The following MICAL3 variants were observed in gnomAD, a reference collection of about 807,000 sequenced individuals.
The protein encoded by MICAL3 is microtubule associated monooxygenase, calponin and LIM domain containing 3.
MICAL3 carries 62 observed loss-of-function variants against 207.4 expected under a neutral mutation model. The ratio of observed to expected loss-of-function variants is 0.30; its 90% CI spans 0.24 to 0.37. The LOEUF (loss-of-function observed/expected upper bound fraction) is 0.37. Among genes scored for constraint, MICAL3 ranks in the 10% least tolerant of loss-of-function variants. The pLI is 1.00. For missense variants in MICAL3, 2,368 were observed against 2,635.6 expected, an observed-to-expected ratio of 0.90 and a Z score of 2.22; for synonymous variants, 1,077 against 1,069.3, an observed-to-expected ratio of 1.01 and a Z score of -0.14.
Position 17,934,859 on chromosome 22 carries a change from T to C in MICAL3, c.-74-27973A>G, listed in dbSNP as rs539943927. 3.7e-4 allele frequency among the ~76,000 whole-genome samples: 57 copies of C among 152,188 alleles called. 1 individual carries two copies. Among genetic ancestry groups the C allele is most frequent in the South Asian group, 1.7e-3 (8 of 4,792 alleles). On this transcript the variant is annotated intron_variant, in intron 1 of 31. Transcript: ENST00000441493. The stretch of plus-strand genomic sequence containing the variant: ...ATCATGAGTGAATTCCCATTCACAA[T>C]TGCTACAAAGAGATTAAAATACCTA...
chr22:17,851,748 A>G (rs1233647735), intron 19 of MICAL3, among the ~76,000 whole-genome samples: 1 of 152,230 alleles, frequency 6.6e-6, no homozygotes, highest in African/African-American at 2.4e-5. Flanking sequence ...AGCACTCAGG[A>G]GAGAAATTCT....
chr22:17,875,487 G>A lies in MICAL3; in HGVS notation c.2242-3464C>T, dbSNP rs774966320. On this transcript the variant is annotated intron_variant, in intron 16 of 31. Transcript: ENST00000441493. Reference sequence around the variant, plus strand: ...GGAGGAGGGAGAGGCGGGGCGGGCAGAGGAGCGGAGACTAAGAGAAAGCTC... The same window carrying A: ...GGAGGAGGGAGAGGCGGGGCGGGCAAAGGAGCGGAGACTAAGAGAAAGCTC... 4.6e-5 allele frequency: 71 copies of A among 1,556,172 alleles called. No individual in the cohort carries two copies. In the Admixed American group the frequency reaches 7.7e-4, roughly 17 times the overall value.
intron 1 of MICAL3, among the ~76,000 whole-genome samples, chr22:18,002,154 T>TGCCACTGCACTACAGCCTGGGCAACAGA (rs1923075173): frequency 6.6e-6 from 1 of 151,874 alleles, no homozygotes; most frequent in South Asian, 2.1e-4. Flanking sequence ...GCCGAGATGG[T>TGCCACTGCACTACAGCCTGGGCAACAGA]GCCACTGCAC....
intron 22 of MICAL3, among the ~76,000 whole-genome samples, chr22:17,823,739 T>C (rs1921883344): frequency 6.6e-6 from 1 of 152,210 alleles, no homozygotes; most frequent in African/African-American, 2.4e-5. Context: ...TCCTTATGTA[T>C]ATGCAGAGAT....
chr22:17,812,691 C>T (rs979616197), intron 27 of MICAL3: 4 of 280,438 alleles, frequency 1.4e-5, no homozygotes, highest in Non-Finnish European at 2.2e-5. Flanking sequence ...ACTTAAAACA[C>T]GAGATTATTT....
intron 1 of MICAL3, chr22:18,001,137 G>C (rs114164344): frequency 0.072 from 10,980 of 152,206 alleles, 1,084 homozygotes; most frequent in East Asian, 0.46. Context: ...AACGCGAGGC[G>C]GGGGCTTCCT....
At chr22:17,916,755 T>C (rs917628142) in intron 1 of MICAL3, among the ~76,000 whole-genome samples, 3 of 152,120 alleles carry the variant, frequency 2.0e-5, no homozygotes, top group Non-Finnish European at 4.4e-5. Flanking sequence ...CTGCGTCCTT[T>C]GCTGGTCCCA....
chr22:17,974,638 C>T (rs1346629794), intron 1 of MICAL3, among the ~76,000 whole-genome samples: 1 of 150,798 alleles, frequency 6.6e-6, no homozygotes, highest in African/African-American at 2.4e-5. Context: ...GCAGGAGAAT[C>T]GCTTGAACCT....
intron 21 of MICAL3, among the ~76,000 whole-genome samples, chr22:17,829,696 C>T (rs1383369753): frequency 1.3e-5 from 2 of 152,218 alleles, no homozygotes; most frequent in Non-Finnish European, 1.5e-5. Flanking sequence ...GCATTTCCTC[C>T]TTTCTCAGAG....
In MICAL3 at chr22:17,830,147, C is replaced by T. The variant is rs1471383546; in HGVS notation, c.3055+1707G>A. Among the ~76,000 whole-genome samples, 6 of 152,244 alleles carry T rather than the reference C, an allele frequency of 3.9e-5. No individual in the cohort carries two copies. The East Asian group carries it at 1.2e-3, about 29-fold the overall frequency. The stretch of plus-strand genomic sequence containing the variant: ...GCAGTTCTGTGTCCCAGGGGCAGTA[C>T]TCCCCTTCTACAGCAGGGGGAGCCA... On this transcript the variant is annotated intron_variant, in intron 21 of 31. Transcript: ENST00000441493.
intron 1 of MICAL3, among the ~76,000 whole-genome samples, chr22:17,961,205 G>A (rs1284854947): frequency 6.6e-6 from 1 of 152,116 alleles, no homozygotes; most frequent in East Asian, 1.9e-4. Flanking sequence ...ATGAAGGCAG[G>A]GCTCACAGGA....
intron 1 of MICAL3, among the ~76,000 whole-genome samples, chr22:17,910,396 G>A (rs183914890): frequency 1.3e-5 from 2 of 152,256 alleles, no homozygotes; most frequent in Admixed American, 6.5e-5. Flanking sequence ...ACAGAGGAAC[G>A]GCTTCACTAA....
At chr22:17,831,831 C>T (rs370267260) in intron 21 of MICAL3, 23 bp downstream of exon 21, 165 of 1,546,360 alleles carry the variant, frequency 1.1e-4, no homozygotes, top group Admixed American at 2.6e-4. Context: ...GGGCAGAGTT[C>T]GGAGCAGAGA....
At chr22:17,875,529 A>T in intron 16 of MICAL3, 1 of 1,554,072 alleles carries the variant, frequency 6.4e-7, no homozygotes, top group South Asian at 1.2e-5. Flanking sequence ...GTCGACAAAA[A>T]ATCGACGAGG....
At chr22:17,991,286 G>A (rs1921658593) in intron 1 of MICAL3, among the ~76,000 whole-genome samples, 1 of 152,266 alleles carries the variant, frequency 6.6e-6, no homozygotes, top group Non-Finnish European at 1.5e-5. Flanking sequence ...GGGCAGGCAG[G>A]TGAAAGTGAC....
At chr22:17,919,771 G>A (rs1031656456) in intron 1 of MICAL3, among the ~76,000 whole-genome samples, 12 of 152,310 alleles carry the variant, frequency 7.9e-5, no homozygotes, top group African/African-American at 2.9e-4. Flanking sequence ...CCCACACCCA[G>A]CTCAGGACCT....
At chr22:17,961,372 T>A (rs1217847842) in intron 1 of MICAL3, among the ~76,000 whole-genome samples, 1 of 152,178 alleles carries the variant, frequency 6.6e-6, no homozygotes, top group African/African-American at 2.4e-5. Flanking sequence ...AAGGATTGAA[T>A]AACCCGCGGC....
At position 17,810,714 on chromosome 22, in the gene MICAL3, G is replaced by A; in HGVS notation, c.5545C>T (p.His1849Tyr). 6.2e-7 allele frequency: 1 copy of A among 1,613,874 alleles called. No homozygotes were observed. Among genetic ancestry groups the A allele is most frequent in the Non-Finnish European group, 8.5e-7 (1 of 1,179,766 alleles). ...CTCCATGGTTTTACCTGGGCTCGATGCAGCCGCTTAAGCTCCTCCTGCTTG... is the reference window on the plus strand; with the variant it reads ...CTCCATGGTTTTACCTGGGCTCGATACAGCCGCTTAAGCTCCTCCTGCTTG... Reference protein sequence around the residue: ...QAKQEELKRLHRAQIIQRQLQ... With the variant: ...QAKQEELKRLYRAQIIQRQLQ... Residue 1849 changes from histidine to tyrosine, a missense_variant, in exon 28 of 32, where the codon CAT (histidine) becomes TAT (tyrosine). His to Tyr is a moderately conservative substitution (Grantham distance 83, BLOSUM62 2). Coordinates refer to ENST00000441493, the MANE Select transcript of MICAL3 (RefSeq NM_015241.3).
chr22:17,864,581 C>T (rs1305415801), intron 19 of MICAL3: 46 of 1,478,426 alleles, frequency 3.1e-5, no homozygotes, highest in African/African-American at 9.8e-5. Context: ...CCTGGGCCGC[C>T]CTCAGGTGTG....
Sources: allele counts gnomAD v4.1 joint callset (sites outside exome capture counted in the v4.1 genomes callset), GRCh38; gene constraint gnomAD v4.1.1; transcripts MANE v1.5; gene names NCBI Gene and HGNC (gene_info 2026-07-23, HGNC 2026-07-21).